Variants in RBPMS observed in about 807,000 individuals in gnomAD.
RBPMS encodes RNA binding protein, mRNA processing factor.
A neutral mutation model predicts 26.8 loss-of-function variants in RBPMS; 7 were observed. The ratio of observed to expected loss-of-function variants is 0.26; its 90% CI spans 0.15 to 0.49. RBPMS has a LOEUF of 0.49. RBPMS is among the 20% of genes least tolerant of loss of function. RBPMS has a pLI of 0.98. For synonymous variants in RBPMS, 96 were observed against 93.3 expected (o/e 1.03, Z -0.17); for missense variants, 186 against 250.0 (o/e 0.74, Z 1.73).
At chr8:30,542,615 G>A (rs1235307659) in intron 5 of RBPMS, among the ~76,000 whole-genome samples, 1 of 152,184 alleles carries the variant, frequency 6.6e-6, no homozygotes, top group East Asian at 1.9e-4. Context: ...AGACAAGCAT[G>A]GGCCACAGTG....
intron 1 of RBPMS, among the ~76,000 whole-genome samples, chr8:30,468,333 T>C (rs572546183): frequency 6.6e-6 from 1 of 152,260 alleles, no homozygotes; most frequent in East Asian, 1.9e-4. Context: ...TTTTGCACTT[T>C]CTCTTTTTGG....
intron 1 of RBPMS, among the ~76,000 whole-genome samples, chr8:30,468,467 T>C (rs766774899): frequency 9.9e-5 from 15 of 152,238 alleles, no homozygotes; most frequent in Non-Finnish European, 1.8e-4. Context: ...CAAACACATA[T>C]AGGTGTTTGT....
chr8:30,456,749 G>A (rs143935508), intron 1 of RBPMS, among the ~76,000 whole-genome samples: 1,885 of 152,222 alleles, frequency 0.012, 16 homozygotes, highest in Non-Finnish European at 0.019. Context: ...GTGAAACCCC[G>A]TCTCTACCAA....
In RBPMS at chr8:30,519,458, CTTTTTTTTTTTTTTT is replaced by C. The variant is rs36017963; in HGVS notation, c.397+15050_397+15064del. On this transcript the variant is annotated intron_variant, in intron 5 of 8. Transcript: ENST00000397323. ...TCACCCTACGTGGGAGGATCTCTCT[CTTTTTTTTTTTTTTT>C]TTTTTTTTTTTTTTTTTTTTTTTTT... Among the ~76,000 whole-genome samples, 568 of 89,380 alleles carry C rather than the reference CTTTTTTTTTTTTTTT, an allele frequency of 6.4e-3. 11 individuals carry two copies. The highest frequency in any genetic ancestry group is 0.014 in the African/African-American group (310 of 22,850). The allele number at this position is 89,380 out of a possible 152,430, so 58.6% of individuals were successfully genotyped here. A position where few individuals can be genotyped will look rare whatever the true frequency, so the allele number is the denominator to read the frequency against.
chr8:30,518,687 C>CTTTTTTT lies in RBPMS; in HGVS notation c.397+14273_397+14279dup, dbSNP rs58763494. On this transcript the variant is annotated intron_variant, in intron 5 of 8. Coordinates refer to ENST00000397323, the MANE Select transcript of RBPMS (RefSeq NM_001008710.3). ...CAGTGATCCGCCCGGCCAAGCATGA[C>CTTTTTTT]TTTTTTTTTTTTTTTTTTTTTTTTT... Among the ~76,000 whole-genome samples, 91 of 18,230 alleles carry CTTTTTTT rather than the reference C, an allele frequency of 5.0e-3. 20 individuals are homozygous for CTTTTTTT. The highest frequency in any genetic ancestry group is 0.011 in the South Asian group (2 of 184). The allele number at this position is 18,230 out of a possible 152,430, so 12.0% of individuals were successfully genotyped here.
At chr8:30,514,426 G>C (rs780671668) in intron 5 of RBPMS, among the ~76,000 whole-genome samples, 3 of 152,122 alleles carry the variant, frequency 2.0e-5, no homozygotes, top group Non-Finnish European at 4.4e-5. Flanking sequence ...TCACTTCACG[G>C]AAAATGACAG....
At position 30,566,285 on chromosome 8, in the gene RBPMS, C is replaced by T; in HGVS notation, c.*36C>T. 2.9e-5 allele frequency: 29 copies of T among 986,024 alleles called. No homozygotes were observed. The highest frequency in any genetic ancestry group is 3.5e-5 in the Non-Finnish European group (29 of 830,056). The allele number at this position is 986,024 out of a possible 1,614,324, so 61.1% of individuals were successfully genotyped here. A position where few individuals can be genotyped will look rare whatever the true frequency, so the allele number is the denominator to read the frequency against. ...CCAGGTGTGTGATGGCGGCTGCAAT[C>T]TGTCTTGTGGGTATTAATGCAATCT... On this transcript the variant is annotated 3_prime_UTR_variant, in exon 8 of 9. Transcript: ENST00000397323.
chr8:30,498,556 T>TG (rs1389117553), intron 4 of RBPMS, among the ~76,000 whole-genome samples: 1 of 151,898 alleles, frequency 6.6e-6, no homozygotes, highest in African/African-American at 2.4e-5. Flanking sequence ...ACACTGAAGG[T>TG]GGGGGGAATG....
rs182016253 is a variant in RBPMS, at chr8:30,415,515, G to A, written c.66+30357G>A. Among the ~76,000 whole-genome samples, 5 of 152,268 alleles carry A rather than the reference G, an allele frequency of 3.3e-5. No individual in the cohort carries two copies. The East Asian group carries it at 5.8e-4, about 18-fold the overall frequency. On this transcript the variant is annotated intron_variant, in intron 1 of 8. Coordinates refer to ENST00000397323, the MANE Select transcript of RBPMS (RefSeq NM_001008710.3). ...GCAGACCCTATGCTTCAGTCATACC[G>A]AGCTTCATTCACTTCTGATAATGCA...
Position 30,441,756 on chromosome 8 carries a change from A to G in RBPMS, c.67-33023A>G, listed in dbSNP as rs1813098430. 3.9e-5 allele frequency among the ~76,000 whole-genome samples: 6 copies of G among 152,346 alleles called. No homozygotes were observed. In the South Asian group the frequency reaches 1.2e-3, roughly 32 times the overall value. On this transcript the variant is annotated intron_variant, in intron 1 of 8. Coordinates refer to ENST00000397323, the MANE Select transcript of RBPMS (RefSeq NM_001008710.3). ...AAAGGAATGTTCTGATTTATCTGCCATCAATATTTTTTATTCGTGGATTCT... is the reference window on the plus strand; with the variant it reads ...AAAGGAATGTTCTGATTTATCTGCCGTCAATATTTTTTATTCGTGGATTCT...
chr8:30,484,725 A>G (rs1818613988), intron 4 of RBPMS, among the ~76,000 whole-genome samples: 1 of 152,240 alleles, frequency 6.6e-6, no homozygotes, highest in African/African-American at 2.4e-5. Flanking sequence ...ATGCTGAGAA[A>G]AGACTTAATA....
At chr8:30,552,652 G>A (rs1826490295) in intron 6 of RBPMS, 1 of 152,182 alleles carries the variant, frequency 6.6e-6, no homozygotes, top group African/African-American at 2.4e-5. Flanking sequence ...TCTGACACAG[G>A]GTGTTACATG....
At chr8:30,417,859 T>C (rs772256890) in intron 1 of RBPMS, among the ~76,000 whole-genome samples, 1 of 152,242 alleles carries the variant, frequency 6.6e-6, no homozygotes, top group Non-Finnish European at 1.5e-5. Flanking sequence ...ATTTTAACTT[T>C]TTAGAATTCA....
rs182590409 is a variant in RBPMS, at chr8:30,491,911, A to G, written c.247-12375A>G. On this transcript the variant is annotated intron_variant, in intron 4 of 8. Transcript: ENST00000397323. ...CACAGACACCCCCACCCCTCCCCCA[A>G]TGGAGTTTCGCTCTTGTCGCCCAGG... Among the ~76,000 whole-genome samples, 43 of 152,040 alleles carry G rather than the reference A, an allele frequency of 2.8e-4. No homozygotes were observed. In the East Asian group the frequency reaches 6.4e-3, roughly 23 times the overall value.
intron 5 of RBPMS, among the ~76,000 whole-genome samples, chr8:30,505,172 C>T (rs1563385837): frequency 6.6e-6 from 1 of 152,178 alleles, no homozygotes; most frequent in Non-Finnish European, 1.5e-5. Flanking sequence ...GGGCATGAGA[C>T]AGGCCTTAAC....
chr8:30,417,875 G>A (rs1043839496), intron 1 of RBPMS, among the ~76,000 whole-genome samples: 1 of 152,058 alleles, frequency 6.6e-6, no homozygotes, highest in African/African-American at 2.4e-5. Context: ...ATTCAACTAT[G>A]TGTACTTTTG....
chr8:30,448,546 A>G (rs1814145729), intron 1 of RBPMS, among the ~76,000 whole-genome samples: 1 of 152,224 alleles, frequency 6.6e-6, no homozygotes. Flanking sequence ...TTTCAAGATG[A>G]AAGCAGCAGT....
At chr8:30,557,057 C>A (rs2151079709) in intron 6 of RBPMS, among the ~76,000 whole-genome samples, 1 of 152,336 alleles carries the variant, frequency 6.6e-6, no homozygotes, top group Non-Finnish European at 1.5e-5. Flanking sequence ...TTGGTACCTG[C>A]TGGTGGCCCT....
In RBPMS at chr8:30,571,346, TTA is replaced by T. The variant is rs1828243942; in HGVS notation, c.*823_*824del. On this transcript the variant is annotated 3_prime_UTR_variant, in exon 9 of 9. Coordinates refer to ENST00000397323, the MANE Select transcript of RBPMS (RefSeq NM_001008710.3). ...GTGCCAAGTGTGACTTTGTACAGTT[TTA>T]TGTTTCCACTCTCCTGTATGTGTAG... 1 of 152,222 alleles carries T rather than the reference TTA, an allele frequency of 6.6e-6. No homozygotes were observed. Among genetic ancestry groups the T allele is most frequent in the South Asian group, 2.1e-4 (1 of 4,824 alleles). 9.4% of individuals were successfully genotyped at this position (152,222 alleles called of 1,614,324 possible).
Sources: allele counts gnomAD v4.1 joint callset (sites outside exome capture counted in the v4.1 genomes callset), GRCh38; gene constraint gnomAD v4.1.1; transcripts MANE v1.5; gene names NCBI Gene and HGNC (gene_info 2026-07-23, HGNC 2026-07-21).